SLCO1A2: variants seen among roughly 807,000 people sequenced by gnomAD.
SLCO1A2 encodes the protein OATP-1.
In SLCO1A2, 67 loss-of-function variants were observed where a neutral mutation model predicts 69.0. The ratio of observed to expected loss-of-function variants is 0.97; its 90% CI spans 0.80 to 1.19. The LOEUF is 1.19. SLCO1A2 is among the 50% of genes most tolerant of loss of function. The pLI is 0.00. For missense variants in SLCO1A2, 787 were observed against 793.7 expected, an observed-to-expected ratio of 0.99 and a Z score of 0.10; for synonymous variants, 260 against 265.9, an observed-to-expected ratio of 0.98 and a Z score of 0.22.
chr12:21,370,655 C>T (rs1009216160), intron 2 of SLCO1A2, among the ~76,000 whole-genome samples: 2 of 151,958 alleles, frequency 1.3e-5, no homozygotes, highest in African/African-American at 4.8e-5. Context: ...GCACCCTTAA[C>T]ATCTTAGAGA....
At chr12:21,336,187 C>T (rs116248281), upstream of SLCO1A2, among the ~76,000 whole-genome samples, 82 of 152,162 alleles carry the variant, frequency 5.4e-4, no homozygotes, top group African/African-American at 1.9e-3. Flanking sequence ...CCAATATAGT[C>T]ACCGTATCAA....
upstream of SLCO1A2, among the ~76,000 whole-genome samples, chr12:21,398,223 C>A (rs529123549): frequency 0.045 from 6,840 of 151,032 alleles, 278 homozygotes; most frequent in Middle Eastern, 0.061. Context: ...ACACAAACTA[C>A]CATCAGAGAA....
At chr12:21,314,519 C>T (rs1224553636) in intron 4 of SLCO1A2, 30 bp downstream of exon 4, 2 of 1,610,432 alleles carry the variant, frequency 1.2e-6, no homozygotes, top group Admixed American at 1.7e-5. Flanking sequence ...GAAATTTGAC[C>T]ACCCAAAATT....
chr12:21,300,046 G>A (rs552238239), intron 8 of SLCO1A2, among the ~76,000 whole-genome samples: 15 of 132,560 alleles, frequency 1.1e-4, no homozygotes, highest in African/African-American at 2.5e-4. Flanking sequence ...ATATATATAT[G>A]TGTGTGTACA....
chr12:21,312,454 T>C (rs1295879411), intron 4 of SLCO1A2, among the ~76,000 whole-genome samples: 1 of 152,200 alleles, frequency 6.6e-6, no homozygotes, highest in Admixed American at 6.5e-5. Flanking sequence ...TTTCTAATCA[T>C]TTGTGTCTTC....
chr12:21,311,986 G>GGAAGAGGAGGAGGAGGAGAA (rs1565491079), intron 4 of SLCO1A2, among the ~76,000 whole-genome samples: 6 of 150,680 alleles, frequency 4.0e-5, no homozygotes, highest in Admixed American at 1.3e-4. Flanking sequence ...AGGAGGAGGA[G>GGAAGAGGAGGAGGAGGAGAA]GAAGAGGAGG....
chr12:21,331,666 C>G (rs112737048), intron 2 of SLCO1A2, among the ~76,000 whole-genome samples: 4,571 of 151,930 alleles, frequency 0.03, 69 homozygotes, highest in Middle Eastern at 0.051. Flanking sequence ...GAATGAGACC[C>G]TGGCTCAAGA....
intron 12 of SLCO1A2, among the ~76,000 whole-genome samples, chr12:21,279,049 A>G (rs1282727400): frequency 3.3e-5 from 5 of 152,138 alleles, no homozygotes; most frequent in Non-Finnish European, 7.4e-5. Flanking sequence ...AGTTAAAAAA[A>G]TGCAATGACA....
chr12:21,344,530 T>G (rs1182262762), intron 2 of SLCO1A2, among the ~76,000 whole-genome samples: 1 of 152,072 alleles, frequency 6.6e-6, no homozygotes, highest in South Asian at 2.1e-4. Flanking sequence ...CTTTTGTTAG[T>G]TTTTTAATTA....
chr12:21,408,688 A>G (rs1440780135), intron 1 of SLCO1A2, among the ~76,000 whole-genome samples: 1 of 151,656 alleles, frequency 6.6e-6, no homozygotes, highest in Non-Finnish European at 1.5e-5. Context: ...GCAGCTATGA[A>G]GATGTTTGGC....
At position 21,325,369 on chromosome 12, in the gene SLCO1A2, T is replaced by A. The variant is rs1321925778; in HGVS notation, c.61-6446A>T. On this transcript the variant is annotated intron_variant, in intron 2 of 14. Coordinates refer to ENST00000683939, the MANE Select transcript of SLCO1A2 (RefSeq NM_001386879.1). ...TGTTTAGACATCTCAAATTTCATAATCCTATCAACCTGTACATTTTTATGT... is the reference window on the plus strand; with the variant it reads ...TGTTTAGACATCTCAAATTTCATAAACCTATCAACCTGTACATTTTTATGT... Among the ~76,000 whole-genome samples, 3 of 152,218 alleles carry A rather than the reference T, an allele frequency of 2.0e-5. No homozygotes were observed. In the East Asian group the frequency reaches 5.8e-4, roughly 29 times the overall value.
chr12:21,318,067 G>A (rs1165756598), intron 3 of SLCO1A2, among the ~76,000 whole-genome samples: 1 of 151,212 alleles, frequency 6.6e-6, no homozygotes, highest in African/African-American at 2.4e-5. Flanking sequence ...ATTTTCATTT[G>A]TAAGGCAATT....
chr12:21,300,365 T>C lies in SLCO1A2; in HGVS notation c.893A>G (p.Lys298Arg). The stretch of plus-strand genomic sequence containing the variant: ...ATATTTGCCTTTAGTGATTCCATAT[T>C]TTTCCTTCTTGACCTCTTCTTTTTG... Reference protein sequence around the residue: ...DKQKEEVKKEKYGITKDFLPF... With the variant: ...DKQKEEVKKERYGITKDFLPF... The change falls in exon 8 of 15, where the codon AAA becomes AGA. Residue 298 changes from lysine (K) to arginine (R), a missense_variant. Transcript: ENST00000683939. 1 of 1,610,820 alleles carries C rather than the reference T, an allele frequency of 6.2e-7. No individual in the cohort carries two copies. Among genetic ancestry groups the C allele is most frequent in the Middle Eastern group, 1.7e-4 (1 of 6,042 alleles).
intron 9 of SLCO1A2, 70 bp from the exon 10 acceptor site, chr12:21,295,862 G>T: frequency 1.2e-6 from 1 of 816,172 alleles, no homozygotes; most frequent in Non-Finnish European, 2.0e-6. Flanking sequence ...TCACTTTTAT[G>T]TAATATGCCT....
At chr12:21,408,731 T>C (rs988949489) in intron 1 of SLCO1A2, among the ~76,000 whole-genome samples, 21 of 108,250 alleles carry the variant, frequency 1.9e-4, no homozygotes, top group Non-Finnish European at 3.9e-5. Flanking sequence ...TGTGTGTGTG[T>C]GTGTGTGTGT....
intron 12 of SLCO1A2, 107 bp downstream of exon 12, chr12:21,292,057 G>A (rs6487215): frequency 0.14 from 96,882 of 712,658 alleles, 7,948 homozygotes; most frequent in African/African-American, 0.29. Context: ...TAAATGGTAC[G>A]TTAGAGCACT....
chr12:21,363,252 C>T (rs1467357033), intron 2 of SLCO1A2, among the ~76,000 whole-genome samples: 8 of 152,148 alleles, frequency 5.3e-5, no homozygotes, highest in Non-Finnish European at 7.4e-5. Flanking sequence ...CACTCAAAAC[C>T]GCTCAACTAC....
At chr12:21,324,694 A>G (rs1952075622) in intron 2 of SLCO1A2, 1 of 152,208 alleles carries the variant, frequency 6.6e-6, no homozygotes, top group Non-Finnish European at 1.5e-5. Context: ...AAAGAAAAAG[A>G]TTCTCTTGAC....
At chr12:21,340,345 AC>A (rs1953027452) in intron 2 of SLCO1A2, among the ~76,000 whole-genome samples, 1 of 152,032 alleles carries the variant, frequency 6.6e-6, no homozygotes, top group Non-Finnish European at 1.5e-5. Context: ...ACTTGATGAT[AC>A]ATACACCGTA....
Sources: allele counts gnomAD v4.1 joint callset (sites outside exome capture counted in the v4.1 genomes callset), GRCh38; gene constraint gnomAD v4.1.1; transcripts MANE v1.5; gene names NCBI Gene and HGNC (gene_info 2026-07-23, HGNC 2026-07-21).